SMG5: variants seen among roughly 807,000 people sequenced by gnomAD.
The protein encoded by SMG5 is nonsense-mediated mRNA decay factor SMG5.
SMG5 carries 53 observed loss-of-function variants against 122.9 expected under a neutral mutation model. The observed-to-expected ratio is 0.43, with a 90% confidence interval of 0.35 to 0.54. The LOEUF (loss-of-function observed/expected upper bound fraction) is 0.54. Ranked by LOEUF, SMG5 falls within the 20% of genes least tolerant of loss-of-function variation. The pLI is 0.01. For missense variants in SMG5, 1,153 were observed against 1,285.6 expected (o/e 0.90, Z 1.58); for synonymous variants, 477 against 490.2 (o/e 0.97, Z 0.35).
At position 156,267,605 on chromosome 1, in the gene SMG5, G is replaced by A. The variant is rs1558240154; in HGVS notation, c.982C>T (p.Pro328Ser). 1.2e-6 allele frequency: 2 copies of A among 1,613,768 alleles called. No homozygotes were observed. The highest frequency in any genetic ancestry group is 1.7e-5 in the Admixed American group (1 of 59,988). Residue 328 changes from proline to serine, a missense_variant, in exon 10 of 22, where the codon CCC becomes TCC. By Grantham distance (74) the Pro-to-Ser change is moderately conservative. Transcript: ENST00000361813. ...EDFNLCLFYL[P>S]SSPNLSLASE... is the part of the protein sequence containing the mutation. ...GCCAGGCTGAGGTTGGGTGAGGAGGGCAGGTAGAAGAGGCAGAGGTTGAAG... is the reference window on the plus strand; with the variant it reads ...GCCAGGCTGAGGTTGGGTGAGGAGGACAGGTAGAAGAGGCAGAGGTTGAAG...
chr1:156,256,911 ATTTTC>A (rs1293429233), intron 16 of SMG5, among the ~76,000 whole-genome samples: 4 of 144,432 alleles, frequency 2.8e-5, no homozygotes, highest in South Asian at 4.4e-4. Flanking sequence ...GTCTTTCTAC[ATTTTC>A]TTTTCTTTTC....
At chr1:156,266,465 G>T in intron 11 of SMG5, 76 bp downstream of exon 11, 3 of 1,606,722 alleles carry the variant, frequency 1.9e-6, no homozygotes, top group Non-Finnish European at 2.6e-6. Context: ...CACTTCCCCC[G>T]AGTCTGTGTT....
intron 4 of SMG5, among the ~76,000 whole-genome samples, chr1:156,275,473 G>A (rs1164201066): frequency 6.6e-6 from 1 of 152,206 alleles, no homozygotes; most frequent in Admixed American, 6.5e-5. Context: ...AACCCTATGA[G>A]GTTACTCTTA....
chr1:156,252,587 C>T (rs917924030), intron 18 of SMG5, 83 bp from the exon 19 acceptor site: 69 of 1,387,280 alleles, frequency 5.0e-5, no homozygotes, highest in Non-Finnish European at 6.9e-5. Context: ...TCTGAGCTCA[C>T]CTCAGTACAC....
chr1:156,258,675 AG>A (rs938056327), intron 16 of SMG5, among the ~76,000 whole-genome samples: 3 of 152,114 alleles, frequency 2.0e-5, no homozygotes, highest in Non-Finnish European at 4.4e-5. Context: ...GTGCGCCTGT[AG>A]TCCCAGCTAC....
At chr1:156,256,007 C>A (rs548380729) in intron 16 of SMG5, among the ~76,000 whole-genome samples, 2 of 152,238 alleles carry the variant, frequency 1.3e-5, no homozygotes, top group African/African-American at 4.8e-5. Context: ...GAAAGTGTCA[C>A]ATCAGGAAAG....
At chr1:156,267,144 T>C (rs2101536626) in intron 10 of SMG5, among the ~76,000 whole-genome samples, 1 of 152,320 alleles carries the variant, frequency 6.6e-6, no homozygotes, top group East Asian at 1.9e-4. Context: ...ATTGCCTAAA[T>C]GCCTCCAACA....
At chr1:156,274,793 T>G in intron 4 of SMG5, 107 bp from the exon 5 acceptor site, 2 of 847,634 alleles carry the variant, frequency 2.4e-6, no homozygotes, top group South Asian at 2.8e-5. Context: ...GGGCCAGTCT[T>G]GGAACATTGT....
In SMG5 at chr1:156,253,078, G is replaced by A; in HGVS notation, c.2503C>T (p.Leu835Phe). 2 of 1,600,250 alleles carry A rather than the reference G, an allele frequency of 1.2e-6. No individual in the cohort carries two copies. The highest frequency in any genetic ancestry group is 1.7e-6 in the Non-Finnish European group (2 of 1,172,974). Residue 835 changes from leucine to phenylalanine, a missense_variant and splice_region_variant, in exon 18 of 22, where the codon CTC becomes TTC. Around this residue, in one of 5 missense-constraint regions of SMG5, gnomAD observed 140 missense variants for 227.8 expected, o/e 0.61. Transcript: ENST00000361813. ...MRDMAQLRLQ[L>F]EVSQLEGSLQ... is the part of the protein sequence containing the mutation. Reference sequence around the variant, plus strand: ...CTGCCCTCCAGCTGAGACACTTCGAGCTGGTGAGAGAGGGCAAGGTGGGTA... The same window carrying A: ...CTGCCCTCCAGCTGAGACACTTCGAACTGGTGAGAGAGGGCAAGGTGGGTA...
Position 156,260,646 on chromosome 1 carries a change from A to G in SMG5, c.2108-20T>C, listed in dbSNP as rs749889372. 3.4e-6 allele frequency: 5 copies of G among 1,483,930 alleles called. No homozygotes were observed. Among genetic ancestry groups the G allele is most frequent in the Middle Eastern group, 1.8e-4 (1 of 5,442 alleles). 91.9% of individuals were successfully genotyped at this position (1,483,930 alleles called of 1,614,324 possible). Reference sequence around the variant, plus strand: ...CCAGGCCTGGGCAGAAGAAGGACACATAAGACCATCTGTCCTGTGGGAACT... The same window carrying G: ...CCAGGCCTGGGCAGAAGAAGGACACGTAAGACCATCTGTCCTGTGGGAACT... On this transcript the variant is annotated intron_variant, in intron 14 of 21. Coordinates refer to ENST00000361813, the MANE Select transcript of SMG5 (RefSeq NM_015327.3).
Position 156,268,190 on chromosome 1 carries a change from T to A in SMG5, c.840-7A>T. 6.2e-7 allele frequency: 1 copy of A among 1,614,150 alleles called. No homozygotes were observed. The highest frequency in any genetic ancestry group is 8.5e-7 in the Non-Finnish European group (1 of 1,180,030). On this transcript the variant is annotated splice_region_variant and splice_polypyrimidine_tract_variant and intron_variant, in intron 8 of 21. Transcript: ENST00000361813. ...CCTTTTAATGTCTTTACATCTGAAA[T>A]GAGAAGAGCCCAAAGTAAATGCTGA...
intron 18 of SMG5, 58 bp from the exon 19 acceptor site, chr1:156,252,562 G>T: frequency 6.4e-7 from 1 of 1,558,328 alleles, no homozygotes; most frequent in Non-Finnish European, 8.8e-7. Context: ...GTGACAAGGG[G>T]CTCTGGAGGA....
upstream of SMG5, chr1:156,285,749 GC>G (rs747427375): frequency 3.4e-5 from 55 of 1,613,126 alleles, no homozygotes; most frequent in Non-Finnish European, 4.4e-5. Flanking sequence ...GCGCAAGTGG[GC>G]TGAGGCAGTG....
rs531220723 is a variant in SMG5 at position 156,267,340 on chromosome 1, C to T, written c.1117+130G>A. ...GGATCCCTTGGCCCTTACTTGCCCACAGCCAAGCAGTGACACAGGAGTGAA... is the reference window on the plus strand; with the variant it reads ...GGATCCCTTGGCCCTTACTTGCCCATAGCCAAGCAGTGACACAGGAGTGAA... On this transcript the variant is annotated intron_variant, in intron 10 of 21. Coordinates refer to ENST00000361813, the MANE Select transcript of SMG5 (RefSeq NM_015327.3). 2.1e-5 allele frequency: 19 copies of T among 913,784 alleles called. No individual in the cohort carries two copies. The South Asian group carries it at 2.3e-4, about 11-fold the overall frequency. 56.6% of individuals were successfully genotyped at this position (913,784 alleles called of 1,614,324 possible). A position where few individuals can be genotyped will look rare whatever the true frequency, so the allele number is the denominator to read the frequency against.
In SMG5 at chr1:156,277,211, C is replaced by T; in HGVS notation, c.328G>A (p.Ala110Thr). ...CCAGCAACCAGGTGCGTCCTGTAGG[C>T]ACATTCCAAAGTGCTCCGGCTGTGG... ...HIHSRSTLECAYRTHLVAGIG... is the reference protein window; with the variant it reads ...HIHSRSTLECTYRTHLVAGIG... The change falls in exon 4 of 22, where the codon GCC (alanine) becomes ACC (threonine). Residue 110 changes from alanine (A) to threonine (T), a missense_variant. Ala to Thr is a moderately conservative substitution (Grantham distance 58). Transcript: ENST00000361813. 1 of 1,613,702 alleles carries T rather than the reference C, an allele frequency of 6.2e-7. No individual in the cohort carries two copies. The highest frequency in any genetic ancestry group is 1.1e-5 in the South Asian group (1 of 91,012).
chr1:156,289,162 T>C, the SMG5 span, among the ~76,000 whole-genome samples: 36,642 of 152,176 alleles, frequency 0.24, 4,919 homozygotes, highest in Non-Finnish European at 0.29. Flanking sequence ...AGTTAATTCA[T>C]GTAGAGTACT....
At position 156,279,052 on chromosome 1, in the gene SMG5, C is replaced by G; in HGVS notation, c.75-18G>C. The G allele has an allele frequency of 6.3e-7, 1 of 1,596,384 alleles. No homozygotes were observed. The highest frequency in any genetic ancestry group is 8.6e-7 in the Non-Finnish European group (1 of 1,163,964). ...CCACAGCCCTGTAGGGAAATACAGGCAAATATCCCCTCAGCCATATGCATG... is the reference window on the plus strand; with the variant it reads ...CCACAGCCCTGTAGGGAAATACAGGGAAATATCCCCTCAGCCATATGCATG... On this transcript the variant is annotated intron_variant, in intron 1 of 21. Coordinates refer to ENST00000361813, the MANE Select transcript of SMG5 (RefSeq NM_015327.3).
chr1:156,252,452 C>T lies in SMG5; in HGVS notation c.2715G>A (p.Gly905=), dbSNP rs1392490160. 10 of 1,614,004 alleles carry T rather than the reference C, an allele frequency of 6.2e-6. No homozygotes were observed. The highest frequency in any genetic ancestry group is 8.5e-6 in the Non-Finnish European group (10 of 1,179,996). The change falls in exon 19 of 22, where the codon GGG becomes GGA. Residue 905 remains glycine, a synonymous_variant. Coordinates refer to ENST00000361813, the MANE Select transcript of SMG5 (RefSeq NM_015327.3). ...LKKEHPGARD[G]IRYLEAEFKK... ...TAAACTCTGCCTCCAGGTACCGAAT[C>T]CCATCCCGGGCCCCTGGGTGTTCCT... is the stretch of plus-strand genomic sequence containing the variant.
Position 156,266,595 on chromosome 1 carries a change from C to T in SMG5, c.1201G>A (p.Ala401Thr), listed in dbSNP as rs1490045353. 1 of 1,614,046 alleles carries T rather than the reference C, an allele frequency of 6.2e-7. No homozygotes were observed. Among genetic ancestry groups the T allele is most frequent in the African/African-American group, 1.3e-5 (1 of 74,918 alleles). ...GGATTCTCGCCCTCTTCCAGCTCAGCCTGCAGCCGTATGTTGACATGATTG... is the reference window on the plus strand; with the variant it reads ...GGATTCTCGCCCTCTTCCAGCTCAGTCTGCAGCCGTATGTTGACATGATTG... ...LVNHVNIRLQAELEEGENPVP... is the reference protein window; with the variant it reads ...LVNHVNIRLQTELEEGENPVP... The change falls in exon 11 of 22, where the codon GCT (alanine) becomes ACT (threonine). Residue 401 changes from alanine to threonine, a missense_variant. By Grantham distance (58) the Ala-to-Thr change is moderately conservative. Transcript: ENST00000361813.
Sources: allele counts gnomAD v4.1 joint callset (sites outside exome capture counted in the v4.1 genomes callset), GRCh38; gene constraint gnomAD v4.1.1; regional missense constraint gnomAD v4.1.1; transcripts MANE v1.5; gene names NCBI Gene and HGNC (gene_info 2026-07-23, HGNC 2026-07-21).